The following KIRREL3 variants were observed in gnomAD, a reference collection of about 807,000 sequenced individuals.
The protein encoded by KIRREL3 is kirre like nephrin family adhesion molecule 3.
In KIRREL3, 36 loss-of-function variants were observed where a neutral mutation model predicts 89.7. The ratio of observed to expected loss-of-function variants is 0.40; its 90% confidence interval spans 0.31 to 0.53. The LOEUF (loss-of-function observed/expected upper bound fraction) is 0.53, where lower values mean the gene tolerates loss of function less well. Among genes scored for constraint, KIRREL3 ranks in the 20% least tolerant of loss-of-function variants. KIRREL3 has a pLI of 0.49. For missense variants in KIRREL3, 864 were observed against 1,056.6 expected (o/e 0.82, Z 2.53); for synonymous variants, 445 against 441.4 (o/e 1.01, Z -0.10).
intron 1 of KIRREL3, among the ~76,000 whole-genome samples, chr11:126,979,604 G>A (rs895238185): frequency 6.6e-6 from 1 of 152,192 alleles, no homozygotes; most frequent in Non-Finnish European, 1.5e-5. Context: ...TTGAGCTTTC[G>A]TTTTGGCTCT....
intron 1 of KIRREL3, among the ~76,000 whole-genome samples, chr11:126,733,634 T>TA (rs1948707275): frequency 6.6e-6 from 1 of 152,236 alleles, no homozygotes; most frequent in African/African-American, 2.4e-5. Flanking sequence ...TACTTTCAAT[T>TA]TAAATAACAG....
intron 1 of KIRREL3, among the ~76,000 whole-genome samples, chr11:126,633,557 CTT>C (rs1315601187): frequency 6.6e-6 from 1 of 152,090 alleles, no homozygotes; most frequent in African/African-American, 2.4e-5. Flanking sequence ...TGCTTCCTCT[CTT>C]GCTCTGTGAT....
intron 1 of KIRREL3, among the ~76,000 whole-genome samples, chr11:126,925,944 A>T (rs527985334): frequency 3.7e-4 from 56 of 152,348 alleles, no homozygotes; most frequent in African/African-American, 1.3e-3. Context: ...GATCTGAGAC[A>T]TCTGTGTCCT....
rs112717386 is a variant in KIRREL3, at chr11:127,000,634, G to T, written c.-125C>A. ...GTTCGCGCCTACCATCTGTCCGTCC[G>T]TGGGTCCCTCCGGGTGGCTTCGGTC... On this transcript the variant is annotated 5_prime_UTR_variant, in exon 1 of 17. Transcript: ENST00000525144. This position sits in a 1 kb window ranked among gnomAD's most constrained non-coding sequence, Gnocchi z 7.1. 1 of 955,012 alleles carries T rather than the reference G, an allele frequency of 1.0e-6. No homozygotes were observed. The allele number at this position is 955,012 out of a possible 1,614,324, so 59.2% of individuals were successfully genotyped here.
intron 1 of KIRREL3, among the ~76,000 whole-genome samples, chr11:126,593,235 T>C (rs1381112503): frequency 6.6e-6 from 1 of 152,254 alleles, no homozygotes; most frequent in Admixed American, 6.5e-5. Context: ...ATCCTGTAAT[T>C]GACTGACTCA....
rs889083797 is a variant in KIRREL3 at position 126,537,350 on chromosome 11, T to C, written c.134-10663A>G. On this transcript the variant is annotated intron_variant, in intron 2 of 16. Coordinates refer to ENST00000525144, the MANE Select transcript of KIRREL3 (RefSeq NM_032531.4). The surrounding 1 kb of genome is among the most constrained non-coding windows in gnomAD (Gnocchi z 4.3). ...GGTTACTGGATTACAAGGGATAAAG[T>C]GGTCTCATAGAGAAGTCATATAAAG... Among the ~76,000 whole-genome samples, 4 of 152,116 alleles carry C rather than the reference T, an allele frequency of 2.6e-5. No individual in the cohort carries two copies. The highest frequency in any genetic ancestry group is 9.7e-5 in the African/African-American group (4 of 41,412).
In KIRREL3 at chr11:126,705,181, T is replaced by C. The variant is rs1947478407; in HGVS notation, c.56-142269A>G. Among the ~76,000 whole-genome samples the C allele has an allele frequency of 6.6e-6, 1 of 152,226 alleles. No individual in the cohort carries two copies. Among genetic ancestry groups the C allele is most frequent in the South Asian group, 2.1e-4 (1 of 4,832 alleles). ...AGTCCTTTTCTACTCGTGCCAAAAT[T>C]ATAAACAGTTTATTTGCATCATTCT... On this transcript the variant is annotated intron_variant, in intron 1 of 16. Transcript: ENST00000525144. This position sits in a 1 kb window ranked among gnomAD's most constrained non-coding sequence, Gnocchi z 4.3.
rs914881174 is a variant in KIRREL3 at position 126,924,273 on chromosome 11, C to T, written c.55+76182G>A. On this transcript the variant is annotated intron_variant, in intron 1 of 16. Coordinates refer to ENST00000525144, the MANE Select transcript of KIRREL3 (RefSeq NM_032531.4). The surrounding 1 kb of genome is among the most constrained non-coding windows in gnomAD (Gnocchi z 4.7). Reference sequence around the variant, plus strand: ...CCACCTTCAGTTTTCCCTTCTAGCTCGCTCACTCTCCACACCACAGAGAGT... The same window carrying T: ...CCACCTTCAGTTTTCCCTTCTAGCTTGCTCACTCTCCACACCACAGAGAGT... Among the ~76,000 whole-genome samples, 2 of 152,126 alleles carry T rather than the reference C, an allele frequency of 1.3e-5. No individual in the cohort carries two copies. The highest frequency in any genetic ancestry group is 6.5e-5 in the Admixed American group (1 of 15,284).
chr11:126,436,711 C>T, intron 12 of KIRREL3, 100 bp downstream of exon 12: 1 of 1,287,896 alleles, frequency 7.8e-7, no homozygotes, highest in Non-Finnish European at 1.1e-6. Context: ...TGTCCTTGGG[C>T]CCTGGCCCAC....
intron 1 of KIRREL3, among the ~76,000 whole-genome samples, chr11:126,914,512 G>T (rs955981046): frequency 1.3e-5 from 2 of 152,234 alleles, no homozygotes; most frequent in African/African-American, 4.8e-5. Context: ...TATACTGGCT[G>T]GGATGGCCTA....
chr11:126,676,869 C>T lies in KIRREL3; in HGVS notation c.56-113957G>A, dbSNP rs150690967. On this transcript the variant is annotated intron_variant, in intron 1 of 16. Transcript: ENST00000525144. The surrounding 1 kb of genome is among the most constrained non-coding windows in gnomAD (Gnocchi z 4.5). ...GCTCAACCACAGGTCACCGCAGCCT[C>T]GATCTCCCAGGCTCAAGCGGTCGTC... 1.6e-3 allele frequency among the ~76,000 whole-genome samples: 246 copies of T among 151,972 alleles called. 1 individual carries two copies. The East Asian group carries it at 0.025, about 16-fold the overall frequency.
In KIRREL3 at chr11:126,498,262, G is replaced by A. The variant is rs1376691483; in HGVS notation, c.433+23053C>T. Reference sequence around the variant, plus strand: ...TTCTTCCCCCAAAATGATGTCATCAGCTAAGACAAAAAGAAAAAGAAAACG... The same window carrying A: ...TTCTTCCCCCAAAATGATGTCATCAACTAAGACAAAAAGAAAAAGAAAACG... On this transcript the variant is annotated intron_variant, in intron 4 of 16. Transcript: ENST00000525144. The surrounding 1 kb of genome is among the most constrained non-coding windows in gnomAD (Gnocchi z 4.3). Among the ~76,000 whole-genome samples, 1 of 152,200 alleles carries A rather than the reference G, an allele frequency of 6.6e-6. No homozygotes were observed.
In KIRREL3 at chr11:126,624,152, T is replaced by G. The variant is rs1157168888; in HGVS notation, c.56-61240A>C. Among the ~76,000 whole-genome samples the G allele has an allele frequency of 6.6e-6, 1 of 152,090 alleles. No homozygotes were observed. The highest frequency in any genetic ancestry group is 1.5e-5 in the Non-Finnish European group (1 of 68,020). On this transcript the variant is annotated intron_variant, in intron 1 of 16. Transcript: ENST00000525144. The surrounding 1 kb of genome is among the most constrained non-coding windows in gnomAD (Gnocchi z 6.0). ...GCAACTAACAAGGAAAATGGCATTT[T>G]GGGTCAAGTCACTAGGAATGAAGAA...
intron 11 of KIRREL3, chr11:126,440,130 A>C: frequency 1.8e-6 from 1 of 568,978 alleles, no homozygotes; most frequent in Admixed American, 2.3e-5. Flanking sequence ...GCCCAGGAAG[A>C]GAAGAAGTCA....
chr11:126,670,004 C>T (rs1020306867), intron 1 of KIRREL3, among the ~76,000 whole-genome samples: 2 of 152,164 alleles, frequency 1.3e-5, no homozygotes. Context: ...CCTGACTCTT[C>T]CCATTCCTTC....
intron 1 of KIRREL3, among the ~76,000 whole-genome samples, chr11:126,726,875 C>A (rs1306874950): frequency 6.6e-6 from 1 of 152,222 alleles, no homozygotes; most frequent in Non-Finnish European, 1.5e-5. Flanking sequence ...TCCTGCAAAA[C>A]TCCTATTCAT....
intron 1 of KIRREL3, among the ~76,000 whole-genome samples, chr11:126,915,019 T>G (rs371508440): frequency 6.6e-6 from 1 of 152,218 alleles, no homozygotes; most frequent in Non-Finnish European, 1.5e-5. Flanking sequence ...CCAACGCTCT[T>G]TAATTAGGCC....
Position 126,970,562 on chromosome 11 carries a change from A to C in KIRREL3, c.55+29893T>G, listed in dbSNP as rs1591401176. Among the ~76,000 whole-genome samples, 1 of 152,342 alleles carries C rather than the reference A, an allele frequency of 6.6e-6. No individual in the cohort carries two copies. Among genetic ancestry groups the C allele is most frequent in the Admixed American group, 6.5e-5 (1 of 15,304 alleles). ...GAATTGTACCAGTATATTGTCATCTAAGGAAATCTGATTTTTATTAAGTAT... is the reference window on the plus strand; with the variant it reads ...GAATTGTACCAGTATATTGTCATCTCAGGAAATCTGATTTTTATTAAGTAT... On this transcript the variant is annotated intron_variant, in intron 1 of 16. Transcript: ENST00000525144. The surrounding 1 kb of genome is among the most constrained non-coding windows in gnomAD (Gnocchi z 4.4).
chr11:126,816,650 C>T (rs1459889531), intron 1 of KIRREL3, among the ~76,000 whole-genome samples: 2 of 152,204 alleles, frequency 1.3e-5, no homozygotes, highest in Non-Finnish European at 2.9e-5. Context: ...TCACAAAGTT[C>T]CAAGGATACT....
Sources: allele counts gnomAD v4.1 joint callset (sites outside exome capture counted in the v4.1 genomes callset), GRCh38; gene constraint gnomAD v4.1.1; non-coding constraint Gnocchi (gnomAD v3.1); transcripts MANE v1.5; gene names NCBI Gene and HGNC (gene_info 2026-07-23, HGNC 2026-07-21).